TXLNB: variants seen among roughly 807,000 people sequenced by gnomAD.
TXLNB encodes the protein beta-taxilin.
A neutral mutation model predicts 57.4 loss-of-function variants in TXLNB; 37 were observed. That is an observed-to-expected ratio of 0.64 (90% CI 0.50 to 0.85). The LOEUF (loss-of-function observed/expected upper bound fraction) is 0.85. TXLNB is among the 40% of genes least tolerant of loss of function. TXLNB has a pLI of 0.00. For synonymous variants in TXLNB, 302 were observed against 309.6 expected (o/e 0.98, Z 0.26); for missense variants, 848 against 825.6 (o/e 1.03, Z -0.33).
the TXLNB span, among the ~76,000 whole-genome samples, chr6:139,175,164 A>G: frequency 6.6e-6 from 1 of 152,210 alleles, no homozygotes; most frequent in Non-Finnish European, 1.5e-5. Flanking sequence ...AAGTATTCAC[A>G]TATGAAAACA....
At chr6:139,286,722 G>A (rs375688654) in intron 2 of TXLNB, 2 of 152,586 alleles carry the variant, frequency 1.3e-5, no homozygotes, top group African/African-American at 4.8e-5. Flanking sequence ...GGTCAACGGT[G>A]GCATTAGATT....
At chr6:139,185,090 G>C in the TXLNB span, among the ~76,000 whole-genome samples, 1 of 152,288 alleles carries the variant, frequency 6.6e-6, no homozygotes, top group South Asian at 2.1e-4. Context: ...AAGCCTATAG[G>C]CTTGCGTTCC....
At chr6:139,264,521 G>A (rs1283808538) in intron 4 of TXLNB, among the ~76,000 whole-genome samples, 5 of 151,848 alleles carry the variant, frequency 3.3e-5, no homozygotes, top group Non-Finnish European at 7.4e-5. Flanking sequence ...CCCAAAAGAT[G>A]TAATCTTGCA....
chr6:139,161,579 A>G, the TXLNB span, among the ~76,000 whole-genome samples: 6 of 152,246 alleles, frequency 3.9e-5, no homozygotes, highest in Admixed American at 1.3e-4. Flanking sequence ...AGTATTGGTT[A>G]AATGAAATAT....
chr6:139,251,770 G>A (rs1315481476), intron 7 of TXLNB: 1 of 152,204 alleles, frequency 6.6e-6, no homozygotes, highest in Non-Finnish European at 1.5e-5. Context: ...CATAGACATG[G>A]GAAACAACTG....
chr6:139,262,810 C>T (rs1315317083), intron 4 of TXLNB, 37 bp from the exon 5 acceptor site: 1 of 1,598,394 alleles, frequency 6.3e-7, no homozygotes. Flanking sequence ...TTTAAATGCA[C>T]CCCGGGTTTA....
At position 139,254,315 on chromosome 6, in the gene TXLNB, TTG is replaced by T. The variant is rs60108019; in HGVS notation, c.1077+1247_1077+1248del. Among the ~76,000 whole-genome samples the T allele has an allele frequency of 3.9e-3, 591 of 149,938 alleles. 1 individual carries two copies. Among genetic ancestry groups the T allele is most frequent in the African/African-American group, 0.013 (548 of 40,974 alleles). ...TTTTTTCTTTTACAATGAACACGATTTGTGTGTGTGTGTGTGTGTGTGTGTTT... is the reference window on the plus strand; with the variant it reads ...TTTTTTCTTTTACAATGAACACGATTTGTGTGTGTGTGTGTGTGTGTGTTT... On this transcript the variant is annotated intron_variant, in intron 7 of 9. Transcript: ENST00000358430.
downstream of TXLNB, among the ~76,000 whole-genome samples, chr6:139,238,284 C>T (rs1193538866): frequency 1.3e-5 from 2 of 152,162 alleles, no homozygotes; most frequent in Non-Finnish European, 2.9e-5. Flanking sequence ...ATCCCAGCTA[C>T]TCAGGAGGCT....
At chr6:139,228,838 C>A in the TXLNB span, among the ~76,000 whole-genome samples, 1 of 152,144 alleles carries the variant, frequency 6.6e-6, no homozygotes, top group Non-Finnish European at 1.5e-5. Flanking sequence ...TCATGACAAG[C>A]CAAATAGTCT....
At chr6:139,266,591 G>A (rs1002971535) in intron 4 of TXLNB, among the ~76,000 whole-genome samples, 6 of 152,104 alleles carry the variant, frequency 3.9e-5, no homozygotes, top group African/African-American at 1.2e-4. Context: ...AGACTGACTC[G>A]AAGACCTGTG....
At chr6:139,290,151 C>T (rs1160460463) in intron 1 of TXLNB, among the ~76,000 whole-genome samples, 1 of 152,114 alleles carries the variant, frequency 6.6e-6, no homozygotes, top group Non-Finnish European at 1.5e-5. Flanking sequence ...CTTTAGGAAG[C>T]CGAGGCGGGT....
intron 6 of TXLNB, among the ~76,000 whole-genome samples, chr6:139,258,309 T>C (rs1163004681): frequency 6.6e-6 from 1 of 152,206 alleles, no homozygotes; most frequent in African/African-American, 2.4e-5. Context: ...TGCATCTTTG[T>C]CTTGTTCTTT....
chr6:139,275,168 A>G (rs1562284483), intron 3 of TXLNB, among the ~76,000 whole-genome samples: 1 of 152,192 alleles, frequency 6.6e-6, no homozygotes, highest in Non-Finnish European at 1.5e-5. Flanking sequence ...AAAAAGAAGG[A>G]AAAAGAACAA....
intron 2 of TXLNB, among the ~76,000 whole-genome samples, chr6:139,284,258 G>A (rs1186830816): frequency 6.9e-6 from 1 of 145,178 alleles, no homozygotes; most frequent in Non-Finnish European, 1.5e-5. Context: ...GGCCGGGTGC[G>A]GTGGCTCACG....
the TXLNB span, chr6:139,166,810 T>G: frequency 6.2e-7 from 1 of 1,613,662 alleles, no homozygotes; most frequent in Non-Finnish European, 8.5e-7. Context: ...GTTCCCCCGG[T>G]GGCTCCCCGG....
the TXLNB span, among the ~76,000 whole-genome samples, chr6:139,206,383 T>C: frequency 6.6e-6 from 1 of 152,064 alleles, no homozygotes; most frequent in Non-Finnish European, 1.5e-5. Context: ...AGATACAGAA[T>C]GGGTCAGGGG....
At chr6:139,259,649 C>T (rs1011264462) in intron 6 of TXLNB, among the ~76,000 whole-genome samples, 2 of 152,086 alleles carry the variant, frequency 1.3e-5, no homozygotes, top group Non-Finnish European at 2.9e-5. Context: ...CTGAAATGAC[C>T]CTTCCCTGTT....
At position 139,243,324 on chromosome 6, in the gene TXLNB, G is replaced by A; in HGVS notation, c.1267-10C>T. 6.3e-7 allele frequency: 1 copy of A among 1,599,674 alleles called. No individual in the cohort carries two copies. The highest frequency in any genetic ancestry group is 2.2e-5 in the East Asian group (1 of 44,820). On this transcript the variant is annotated splice_polypyrimidine_tract_variant and intron_variant, in intron 9 of 9. Coordinates refer to ENST00000358430, the MANE Select transcript of TXLNB (RefSeq NM_153235.4). ...TAGCTCTCAGTGCTTTCTGTGATGT[G>A]AAAACACACGCACATACACACACAG... is the stretch of plus-strand genomic sequence containing the variant.
upstream of TXLNB, among the ~76,000 whole-genome samples, chr6:139,292,556 A>C (rs542918608): frequency 6.6e-6 from 1 of 152,342 alleles, no homozygotes; most frequent in African/African-American, 2.4e-5. The surrounding 1 kb of genome is among the most constrained non-coding windows in gnomAD (Gnocchi z 4.0). Context: ...GTTTGTTTGC[A>C]AAGTTTGAAA....
Sources: allele counts gnomAD v4.1 joint callset (sites outside exome capture counted in the v4.1 genomes callset), GRCh38; gene constraint gnomAD v4.1.1; non-coding constraint Gnocchi (gnomAD v3.1); transcripts MANE v1.5; gene names NCBI Gene and HGNC (gene_info 2026-07-23, HGNC 2026-07-21).